Variants in SYN2 observed in about 807,000 individuals in gnomAD.
The protein encoded by SYN2 is synapsin II, also known as synapsin-2.
In SYN2, 19 loss-of-function variants were observed where a neutral mutation model predicts 50.9. That is an observed-to-expected ratio of 0.37 (90% CI 0.26 to 0.55). The LOEUF is 0.55. Ranked by LOEUF, SYN2 falls within the 20% of genes least tolerant of loss-of-function variation. SYN2 has a pLI of 0.81. For synonymous variants in SYN2, 255 were observed against 224.9 expected (o/e 1.13, Z -1.20); for missense variants, 587 against 576.4 (o/e 1.02, Z -0.19).
At chr3:12,180,463 T>G (rs1450625879) in intron 10 of SYN2, among the ~76,000 whole-genome samples, 1 of 152,242 alleles carries the variant, frequency 6.6e-6, no homozygotes, top group African/African-American at 2.4e-5. Context: ...TTCTGTGGAA[T>G]TCGGCATCCC....
chr3:12,126,590 G>A (rs1245564376), intron 1 of SYN2, among the ~76,000 whole-genome samples: 2 of 152,180 alleles, frequency 1.3e-5, no homozygotes, highest in African/African-American at 4.8e-5. Context: ...CCATATTTTA[G>A]TTGTAGTATG....
rs796837275 is a variant in SYN2 at position 12,104,570 on chromosome 3, C to CTTTTT, written c.378-36063_378-36059dup. On this transcript the variant is annotated intron_variant, in intron 1 of 12. Coordinates refer to ENST00000621198, the MANE Select transcript of SYN2 (RefSeq NM_133625.6). Reference sequence around the variant, plus strand: ...ATGTGAAACATTTTTCTTTTCTTTTCTTTTTTTTTTTTTTTTTTTTTTGAG... The same window carrying CTTTTT: ...ATGTGAAACATTTTTCTTTTCTTTTCTTTTTTTTTTTTTTTTTTTTTTTTTTTGAG... Among the ~76,000 whole-genome samples the CTTTTT allele has an allele frequency of 6.4e-3, 526 of 81,754 alleles. 2 individuals are homozygous for CTTTTT. Among genetic ancestry groups the CTTTTT allele is most frequent in the Non-Finnish European group, 8.6e-3 (408 of 47,476 alleles). The allele number at this position is 81,754 out of a possible 152,430, so 53.6% of individuals were successfully genotyped here.
intron 1 of SYN2, among the ~76,000 whole-genome samples, chr3:12,058,121 A>G (rs1039623281): frequency 6.6e-6 from 1 of 152,234 alleles, no homozygotes; most frequent in African/African-American, 2.4e-5. Flanking sequence ...TACAATGTCT[A>G]TAAGGACACT....
chr3:12,096,606 G>A (rs903121844), intron 1 of SYN2, among the ~76,000 whole-genome samples: 26 of 151,852 alleles, frequency 1.7e-4, no homozygotes, highest in Non-Finnish European at 2.2e-4. Context: ...AATTCACTAC[G>A]TAAAATACAT....
At chr3:12,081,802 C>G (rs1023150875) in intron 1 of SYN2, among the ~76,000 whole-genome samples, 2 of 152,142 alleles carry the variant, frequency 1.3e-5, no homozygotes, top group Non-Finnish European at 2.9e-5. Context: ...TCTCTTTTCC[C>G]ACTTATCTAT....
chr3:12,090,584 A>G (rs1397713014), intron 1 of SYN2, among the ~76,000 whole-genome samples: 1 of 152,220 alleles, frequency 6.6e-6, no homozygotes, highest in African/African-American at 2.4e-5. Context: ...CTAACTTTCA[A>G]CTTTTAGTAA....
chr3:12,085,277 A>C (rs1221021364), intron 1 of SYN2, among the ~76,000 whole-genome samples: 1 of 151,464 alleles, frequency 6.6e-6, no homozygotes, highest in African/African-American at 2.4e-5. Flanking sequence ...AAAAAAGACA[A>C]AGAAGGTCAT....
chr3:12,137,272 A>C (rs965518493), intron 1 of SYN2, among the ~76,000 whole-genome samples: 1 of 151,104 alleles, frequency 6.6e-6, no homozygotes, highest in Non-Finnish European at 1.5e-5. Context: ...AAAAGTCCGT[A>C]CTGGGCATCT....
chr3:12,128,054 TC>T (rs940820586), intron 1 of SYN2, among the ~76,000 whole-genome samples: 2 of 149,238 alleles, frequency 1.3e-5, no homozygotes, highest in Non-Finnish European at 2.9e-5. Context: ...GAAGCGATCC[TC>T]CCACCTCAGC....
chr3:12,134,581 G>A (rs1696857071), intron 1 of SYN2, among the ~76,000 whole-genome samples: 1 of 152,202 alleles, frequency 6.6e-6, no homozygotes, highest in South Asian at 2.1e-4. Flanking sequence ...CTCCAGGCAG[G>A]GAGAATGGCT....
intron 1 of SYN2, among the ~76,000 whole-genome samples, chr3:12,064,910 A>AACTTGTACACAGATGTTC (rs1244697145): frequency 6.6e-6 from 1 of 152,170 alleles, no homozygotes; most frequent in Non-Finnish European, 1.5e-5. Context: ...TTCACCCAAC[A>AACTTGTACACAGATGTTC]ACTTGTACAC....
chr3:12,054,821 G>A (rs183214939), intron 1 of SYN2, among the ~76,000 whole-genome samples: 9 of 152,128 alleles, frequency 5.9e-5, no homozygotes, highest in Admixed American at 5.9e-4. Flanking sequence ...TGAATCTTCT[G>A]AGAAATTAGA....
intron 1 of SYN2, among the ~76,000 whole-genome samples, chr3:12,026,154 G>A (rs571887388): frequency 6.6e-6 from 1 of 152,284 alleles, no homozygotes; most frequent in Admixed American, 6.5e-5. Flanking sequence ...CCTACAGTGG[G>A]AAGAGCCAAG....
chr3:12,161,096 AGGTTGTAG>A (rs1380080904), intron 5 of SYN2, among the ~76,000 whole-genome samples: 2 of 152,234 alleles, frequency 1.3e-5, no homozygotes, highest in African/African-American at 4.8e-5. Context: ...GGGCCTTTGA[AGGTTGTAG>A]GTACCAAGAG....
At chr3:12,129,387 G>A (rs1036897034) in intron 1 of SYN2, among the ~76,000 whole-genome samples, 3 of 152,130 alleles carry the variant, frequency 2.0e-5, no homozygotes, top group African/African-American at 7.2e-5. Context: ...CCTTATAGAT[G>A]AAGAAACAAG....
At chr3:12,073,132 A>G (rs527369397) in intron 1 of SYN2, among the ~76,000 whole-genome samples, 1 of 152,270 alleles carries the variant, frequency 6.6e-6, no homozygotes, top group African/African-American at 2.4e-5. Context: ...GGGTTTTTTC[A>G]ACTGTTAGAA....
intron 1 of SYN2, among the ~76,000 whole-genome samples, chr3:12,109,474 A>C (rs1440138892): frequency 6.6e-6 from 1 of 152,252 alleles, no homozygotes; most frequent in African/African-American, 2.4e-5. Context: ...TTTTTGTTTG[A>C]AATGGTTATA....
In SYN2 at chr3:12,140,667, G is replaced by A; in HGVS notation, c.394G>A (p.Gly132Ser). ...PHADWAKCFR[G>S]KKVLGDYDIK... is the part of the protein sequence containing the mutation. The stretch of plus-strand genomic sequence containing the variant: ...TTTCTCCAGGGCCAAGTGCTTTCGG[G>A]GCAAAAAAGTCCTTGGAGATTATGA... Residue 132 changes from glycine to serine, a missense_variant, in exon 2 of 13, where the codon GGC becomes AGC. Transcript: ENST00000621198. The A allele has an allele frequency of 1.3e-6, 1 of 764,366 alleles. No individual in the cohort carries two copies. Among genetic ancestry groups the A allele is most frequent in the Non-Finnish European group, 2.4e-6 (1 of 409,536 alleles). 47.3% of individuals were successfully genotyped at this position (764,366 alleles called of 1,614,324 possible). A position where few individuals can be genotyped will look rare whatever the true frequency, so the allele number is the denominator to read the frequency against.
intron 1 of SYN2, among the ~76,000 whole-genome samples, chr3:12,107,617 C>G (rs1696222580): frequency 6.6e-6 from 1 of 152,138 alleles, no homozygotes; most frequent in South Asian, 2.1e-4. Context: ...TTAAAGAATG[C>G]TGGCCAGTGA....
Sources: allele counts gnomAD v4.1 joint callset (sites outside exome capture counted in the v4.1 genomes callset), GRCh38; gene constraint gnomAD v4.1.1; transcripts MANE v1.5; gene names NCBI Gene and HGNC (gene_info 2026-07-23, HGNC 2026-07-21).